The following PRAMEF10 variants were observed in gnomAD, a reference collection of about 807,000 sequenced individuals.
PRAMEF10 encodes the protein PRAME family member 10.
Under a neutral mutation model 27.7 loss-of-function variants are expected in PRAMEF10, and 4 were observed. That is an observed-to-expected ratio of 0.14 (90% CI 0.07 to 0.33). The LOEUF (loss-of-function observed/expected upper bound fraction) is 0.33. Ranked by LOEUF, PRAMEF10 falls within the 10% of genes least tolerant of loss-of-function variation. The pLI is 1.00. For missense variants in PRAMEF10, 99 were observed against 453.9 expected, an observed-to-expected ratio of 0.22 and a Z score of 7.10; for synonymous variants, 46 against 176.0, an observed-to-expected ratio of 0.26 and a Z score of 5.85.
At chr1:12,894,426 T>C (rs1445123385) in intron 3 of PRAMEF10, among the ~76,000 whole-genome samples, 160 bp downstream of exon 3, 2 of 149,584 alleles carry the variant, frequency 1.3e-5, no homozygotes, top group East Asian at 4.0e-4. Context: ...CATTTCAGGA[T>C]ATAGAGCACT....
chr1:12,896,479 T>C (rs1440412463), intron 1 of PRAMEF10, among the ~76,000 whole-genome samples: 2 of 145,250 alleles, frequency 1.4e-5, no homozygotes, highest in Admixed American at 6.9e-5. Context: ...TCCCAGCACT[T>C]TGGGAGGCAG....
intron 3 of PRAMEF10, among the ~76,000 whole-genome samples, chr1:12,894,061 C>T (rs1453882948): frequency 6.7e-6 from 1 of 150,036 alleles, no homozygotes; most frequent in African/African-American, 2.5e-5. Flanking sequence ...AGGTGCCTGT[C>T]TGCATGCCCG....
chr1:12,893,714 C>A (rs2797710), intron 3 of PRAMEF10, among the ~76,000 whole-genome samples: 671 of 93,634 alleles, frequency 7.2e-3, no homozygotes, highest in Non-Finnish European at 0.011. Flanking sequence ...ATTCAGGGGC[C>A]ACTCCATTTT....
At chr1:12,897,410 G>T (rs142618340) in intron 1 of PRAMEF10, among the ~76,000 whole-genome samples, 8 of 150,096 alleles carry the variant, frequency 5.3e-5, no homozygotes, top group Non-Finnish European at 1.0e-4. Flanking sequence ...ATAGGGCCTC[G>T]CAATGTTGCC....
chr1:12,896,359 G>A (rs1325981857), intron 1 of PRAMEF10, among the ~76,000 whole-genome samples: 1 of 150,814 alleles, frequency 6.6e-6, no homozygotes, highest in Non-Finnish European at 1.5e-5. Flanking sequence ...TTTGAAAGCT[G>A]TGTGACAGTG....
intron 1 of PRAMEF10, 100 bp from the exon 2 acceptor site, chr1:12,895,972 A>G (rs2100445650): frequency 2.6e-6 from 1 of 377,804 alleles, no homozygotes; most frequent in African/African-American, 2.5e-5. Flanking sequence ...CGTGTGAAAG[A>G]GCCCTCAGTT....
In PRAMEF10 at chr1:12,896,425, C is replaced by T. The variant is rs1212048832; in HGVS notation, c.-25-553G>A. On this transcript the variant is annotated intron_variant, in intron 1 of 3. Coordinates refer to ENST00000235347, the MANE Select transcript of PRAMEF10 (RefSeq NM_001039361.4). ...CCAATACACACCTCTTACGCATGTT[C>T]AAAATGAACCACTTTGGCTGTGCGC... is the stretch of plus-strand genomic sequence containing the variant. Among the ~76,000 whole-genome samples the T allele has an allele frequency of 3.3e-4, 49 of 150,248 alleles. 4 individuals are homozygous for T. The highest frequency in any genetic ancestry group is 1.2e-3 in the African/African-American group (48 of 40,656).
At position 12,893,306 on chromosome 1, in the gene PRAMEF10, C is replaced by G. The variant is rs1399886023; in HGVS notation, c.1035G>C (p.Glu345Asp). The change falls in exon 4 of 4, where the codon GAG becomes GAC. Residue 345 changes from glutamate to aspartate, a missense_variant. Coordinates refer to ENST00000235347, the MANE Select transcript of PRAMEF10 (RefSeq NM_001039361.4). ...GGGTCTTGAGAGTAGCAGCAACTTT[C>G]TCCAGCAGAACTCCAAGGGGCTCAA... Reference protein sequence around the residue: ...TNLEPLGVLLEKVAATLKTLV... With the variant: ...TNLEPLGVLLDKVAATLKTLV... 3 of 1,611,702 alleles carry G rather than the reference C, an allele frequency of 1.9e-6. No homozygotes were observed. The highest frequency in any genetic ancestry group is 2.7e-5 in the African/African-American group (2 of 74,704).
In PRAMEF10 at chr1:12,892,901, C is replaced by T. The variant is rs377637602; in HGVS notation, c.*15G>A. 1.6e-4 allele frequency: 253 copies of T among 1,595,432 alleles called. 11 individuals carry two copies. Among genetic ancestry groups the T allele is most frequent in the Middle Eastern group, 1.4e-3 (6 of 4,394 alleles). On this transcript the variant is annotated 3_prime_UTR_variant, in exon 4 of 4. Coordinates refer to ENST00000235347, the MANE Select transcript of PRAMEF10 (RefSeq NM_001039361.4). ...TCCAGAAGAAAGCTTATCCATCCCA[C>T]GAACCAGGCCTTCCCTAGGAGCAAA...
chr1:12,896,357 CTG>C (rs1284189093), intron 1 of PRAMEF10, among the ~76,000 whole-genome samples: 1 of 150,808 alleles, frequency 6.6e-6, no homozygotes. Context: ...GCTTTGAAAG[CTG>C]TGTGACAGTG....
At chr1:12,896,292 G>C (rs1641207909) in intron 1 of PRAMEF10, among the ~76,000 whole-genome samples, 1 of 150,032 alleles carries the variant, frequency 6.7e-6, no homozygotes, top group South Asian at 2.2e-4. Context: ...CCAAAGTACT[G>C]GGATTACAGG....
intron 1 of PRAMEF10, among the ~76,000 whole-genome samples, chr1:12,897,386 A>AT (rs928312122): frequency 3.3e-5 from 5 of 149,404 alleles, no homozygotes; most frequent in African/African-American, 9.9e-5. Context: ...TTTGGTTAAG[A>AT]TTTTTTTTCT....
Position 12,895,101 on chromosome 1 carries a change from A to G in PRAMEF10, c.351T>C (p.Ser117=), listed in dbSNP as rs2100444614. The part of the protein sequence containing the change: ...DVDENFWTIW[S]GARVLSCSPE... ...GGGAGCAGGAGAGGACCCTGGCTCC[A>G]GACCATATGGTCCAGAAATTCTCAT... The change falls in exon 3 of 4, where the codon TCT becomes TCC. Residue 117 remains serine (S), a synonymous_variant. Coordinates refer to ENST00000235347, the MANE Select transcript of PRAMEF10 (RefSeq NM_001039361.4). 2.7e-6 allele frequency: 4 copies of G among 1,485,232 alleles called. No homozygotes were observed. The East Asian group carries it at 9.2e-5, about 34-fold the overall frequency. The allele number at this position is 1,485,232 out of a possible 1,614,324, so 92.0% of individuals were successfully genotyped here.
chr1:12,897,740 C>G (rs1356245593), intron 1 of PRAMEF10, among the ~76,000 whole-genome samples: 1 of 149,178 alleles, frequency 6.7e-6, no homozygotes, highest in African/African-American at 2.5e-5. Flanking sequence ...GGATGTAATA[C>G]CAGATACTCA....
rs1221284755 is a variant in PRAMEF10 at position 12,893,349 on chromosome 1, A to T, written c.992T>A (p.Leu331Gln). The change falls in exon 4 of 4, where the codon CTA (leucine) becomes CAA (glutamine). Residue 331 changes from leucine (L) to glutamine (Q), a missense_variant. Leu to Gln is a moderately radical substitution (Grantham distance 113, BLOSUM62 -2). Transcript: ENST00000235347. ...QLKELRLIHI[L>Q]MWTTNLEPLG... ...GGGCTCAAGATTGGTGGTCCACATT[A>T]GGATATGAATCAGACGCAGCTCCTT... 6.2e-7 allele frequency: 1 copy of T among 1,611,558 alleles called. No homozygotes were observed. Among genetic ancestry groups the T allele is most frequent in the African/African-American group, 1.3e-5 (1 of 74,636 alleles).
Position 12,893,278 on chromosome 1 carries a change from C to CGT in PRAMEF10, c.1062_1063insAC (p.Val355ThrfsTer3). On this transcript the variant is annotated frameshift_variant, in exon 4 of 4. Transcript: ENST00000235347. LOFTEE classifies it high-confidence loss of function. ...TCCTGGATCCGACAGTCCTTTAAGA[C>CGT]GAGGGTCTTGAGAGTAGCAGCAACT... 1 of 1,611,450 alleles carries CGT rather than the reference C, an allele frequency of 6.2e-7. No individual in the cohort carries two copies. The highest frequency in any genetic ancestry group is 1.7e-5 in the Admixed American group (1 of 59,900).
intron 3 of PRAMEF10, among the ~76,000 whole-genome samples, chr1:12,893,754 G>T (rs1487226939): frequency 1.0e-5 from 1 of 99,758 alleles, no homozygotes; most frequent in African/African-American, 4.1e-5. Flanking sequence ...TTGCCTGTGT[G>T]ATTGGTACCA....
At chr1:12,896,711 ATTC>A (rs1641213233) in intron 1 of PRAMEF10, among the ~76,000 whole-genome samples, 1 of 41,618 alleles carries the variant, frequency 2.4e-5, no homozygotes. Context: ...AATTGGCTAG[ATTC>A]AAAAAAGAGA....
rs199532303 is a variant in PRAMEF10 at position 12,894,988 on chromosome 1, A to T, written c.464T>A (p.Leu155Gln). Residue 155 changes from leucine (L) to glutamine (Q), a missense_variant, in exon 3 of 4, where the codon CTA (leucine) becomes CAA (glutamine). Coordinates refer to ENST00000235347, the MANE Select transcript of PRAMEF10 (RefSeq NM_001039361.4). ...GCATTCATCCAGTGTACTTTCCTTT[A>T]GGCAGAGGTCTATGAACACCTTCAA... is the stretch of plus-strand genomic sequence containing the variant. ...QPLKVFIDLC[L>Q]KESTLDECLS... The T allele has an allele frequency of 5.3e-5, 86 of 1,608,742 alleles. 4 individuals are homozygous for T. In the East Asian group the frequency reaches 1.5e-3, roughly 29 times the overall value.
Sources: gnomAD v4.1 joint callset for allele counts (sites outside exome capture counted in the v4.1 genomes callset) on GRCh38, gnomAD v4.1.1 for gene constraint, MANE v1.5 for transcripts, NCBI Gene and HGNC (gene_info 2026-07-23, HGNC 2026-07-21) for gene names.